The following ZNF804B variants were observed in gnomAD, a reference collection of about 807,000 sequenced individuals.
ZNF804B encodes zinc finger protein 804B.
In ZNF804B, 80 loss-of-function variants were observed where a neutral mutation model predicts 101.4. The ratio of observed to expected loss-of-function variants is 0.79; its 90% confidence interval spans 0.66 to 0.95. The LOEUF (loss-of-function observed/expected upper bound fraction) is 0.95, where lower values mean the gene tolerates loss of function less well. Among genes scored for constraint, ZNF804B ranks in the 40% least tolerant of loss-of-function variants. The probability of loss-of-function intolerance (pLI) is 0.00; values close to 1 mark genes in which losing one functional copy is unlikely to be tolerated. For synonymous variants in ZNF804B, 622 were observed against 558.8 expected (o/e 1.11, Z -1.59); for missense variants, 1,673 against 1,561.9 (o/e 1.07, Z -1.20).
intron 2 of ZNF804B, among the ~76,000 whole-genome samples, chr7:89,306,016 G>A (rs942222677): frequency 2.0e-5 from 3 of 151,868 alleles, no homozygotes; most frequent in African/African-American, 4.8e-5. Context: ...AATTAGTGTA[G>A]TTAATACAGT....
At chr7:88,784,631 C>A (rs574163348) in intron 1 of ZNF804B, among the ~76,000 whole-genome samples, 3 of 152,236 alleles carry the variant, frequency 2.0e-5, no homozygotes, top group African/African-American at 7.2e-5. Flanking sequence ...TGCCAACGGC[C>A]AAGCTTTTGG....
At chr7:89,006,701 A>G (rs1432344286) in intron 1 of ZNF804B, among the ~76,000 whole-genome samples, 3 of 152,166 alleles carry the variant, frequency 2.0e-5, no homozygotes, top group Admixed American at 6.6e-5. Flanking sequence ...GTTCTAATAA[A>G]TAGTTCTCTC....
intron 1 of ZNF804B, among the ~76,000 whole-genome samples, chr7:89,080,939 A>C (rs1789687962): frequency 6.6e-6 from 1 of 151,992 alleles, no homozygotes; most frequent in African/African-American, 2.4e-5. Context: ...CTAAATGAAT[A>C]GATAATTTTC....
At chr7:88,765,867 C>G (rs1327467077) in intron 1 of ZNF804B, among the ~76,000 whole-genome samples, 1 of 147,064 alleles carries the variant, frequency 6.8e-6, no homozygotes, top group Non-Finnish European at 1.5e-5. Context: ...TACCAATTTC[C>G]AAGTTACGTA....
intron 1 of ZNF804B, among the ~76,000 whole-genome samples, chr7:89,161,146 C>T (rs1042584566): frequency 2.0e-5 from 3 of 151,988 alleles, no homozygotes; most frequent in Non-Finnish European, 4.4e-5. Context: ...CTGACTCCTA[C>T]AACTGTGCAG....
intron 2 of ZNF804B, among the ~76,000 whole-genome samples, chr7:89,273,057 A>G (rs1216998280): frequency 1.3e-5 from 2 of 152,170 alleles, no homozygotes; most frequent in Non-Finnish European, 2.9e-5. Flanking sequence ...TGATTAAAAG[A>G]CTACTTCTCA....
chr7:88,804,180 T>G (rs532936501), intron 1 of ZNF804B, among the ~76,000 whole-genome samples: 1 of 152,176 alleles, frequency 6.6e-6, no homozygotes, highest in South Asian at 2.1e-4. Flanking sequence ...CAAAGGAGAA[T>G]AAGTGGTCAG....
At chr7:88,873,781 G>A (rs1791878552) in intron 1 of ZNF804B, among the ~76,000 whole-genome samples, 1 of 152,154 alleles carries the variant, frequency 6.6e-6, no homozygotes, top group Non-Finnish European at 1.5e-5. Context: ...GATAGTCATA[G>A]ATATGCGGCA....
intron 1 of ZNF804B, among the ~76,000 whole-genome samples, chr7:89,106,818 T>C (rs938699297): frequency 3.2e-4 from 48 of 152,050 alleles, no homozygotes; most frequent in African/African-American, 1.1e-3. Context: ...AGAACTGGAG[T>C]GGCAGAACAG....
At chr7:89,209,205 G>A (rs542787842) in intron 1 of ZNF804B, among the ~76,000 whole-genome samples, 41 of 151,964 alleles carry the variant, frequency 2.7e-4, no homozygotes, top group African/African-American at 8.2e-4. Context: ...TAGAAACAAT[G>A]CTGAGTTGTC....
At chr7:89,182,872 G>A (rs910985267) in intron 1 of ZNF804B, among the ~76,000 whole-genome samples, 9 of 152,052 alleles carry the variant, frequency 5.9e-5, no homozygotes, top group Admixed American at 2.6e-4. Flanking sequence ...ATATATGAGT[G>A]CATTGCATGT....
At chr7:89,188,221 C>A (rs1256630936) in intron 1 of ZNF804B, among the ~76,000 whole-genome samples, 1 of 151,930 alleles carries the variant, frequency 6.6e-6, no homozygotes, top group African/African-American at 2.4e-5. Context: ...CATTATTATT[C>A]TATTTGTTAT....
At chr7:88,782,102 C>CGT (rs72225764) in intron 1 of ZNF804B, among the ~76,000 whole-genome samples, 11,195 of 141,908 alleles carry the variant, frequency 0.079, 437 homozygotes, top group South Asian at 0.18. Flanking sequence ...TGTGTGAGTG[C>CGT]GTGTGTGTGT....
intron 1 of ZNF804B, among the ~76,000 whole-genome samples, chr7:88,819,313 T>C (rs1281664592): frequency 6.6e-6 from 1 of 151,976 alleles, no homozygotes; most frequent in African/African-American, 2.4e-5. Context: ...GTATTTTTAG[T>C]AGAGACGAGG....
chr7:88,918,694 G>T (rs1016167726), intron 1 of ZNF804B, among the ~76,000 whole-genome samples: 3 of 152,032 alleles, frequency 2.0e-5, no homozygotes, highest in African/African-American at 7.2e-5. Context: ...TACACATATT[G>T]GAAAACCAAG....
chr7:89,239,161 T>TAGTTGAAACTG (rs1789327587), intron 2 of ZNF804B, among the ~76,000 whole-genome samples: 1 of 152,134 alleles, frequency 6.6e-6, no homozygotes, highest in African/African-American at 2.4e-5. Context: ...TACAAAAATT[T>TAGTTGAAACTG]AGTTGAAACT....
intron 1 of ZNF804B, among the ~76,000 whole-genome samples, chr7:89,044,806 T>C (rs550942574): frequency 2.7e-4 from 41 of 152,246 alleles, no homozygotes; most frequent in Admixed American, 6.5e-4. Context: ...AGAATAAAAG[T>C]TTGGAAAATT....
Position 88,883,496 on chromosome 7 carries a change from A to G in ZNF804B, c.108+123412A>G, listed in dbSNP as rs369282602. On this transcript the variant is annotated intron_variant, in intron 1 of 3. Transcript: ENST00000333190. The stretch of plus-strand genomic sequence containing the variant: ...CCTGACTCATAAAACCTTACTCAAC[A>G]CACTTGTCCAAGCTCTTTTCCCCTT... 4.6e-5 allele frequency among the ~76,000 whole-genome samples: 7 copies of G among 152,152 alleles called. No individual in the cohort carries two copies. In the South Asian group the frequency reaches 1.5e-3, roughly 32 times the overall value.
At chr7:89,119,577 G>A (rs1790367369) in intron 1 of ZNF804B, among the ~76,000 whole-genome samples, 1 of 152,150 alleles carries the variant, frequency 6.6e-6, no homozygotes, top group Admixed American at 6.5e-5. Flanking sequence ...TCTTGCCTCT[G>A]AGTCTGATAT....
Sources: gnomAD v4.1 joint callset for allele counts (sites outside exome capture counted in the v4.1 genomes callset) on GRCh38, gnomAD v4.1.1 for gene constraint, MANE v1.5 for transcripts, NCBI Gene and HGNC (gene_info 2026-07-23, HGNC 2026-07-21) for gene names.